The following CDH18 variants were observed in gnomAD, a reference collection of about 807,000 sequenced individuals.
CDH18 encodes the protein cadherin 18.
In CDH18, 31 loss-of-function variants were observed where a neutral mutation model predicts 67.9. The observed-to-expected ratio is 0.46, with a 90% CI of 0.34 to 0.62. CDH18 has a LOEUF of 0.62. Ranked by LOEUF, CDH18 falls within the 20% of genes least tolerant of loss-of-function variation. The probability of loss-of-function intolerance (pLI) is 0.01; values close to 1 mark genes in which losing one functional copy is unlikely to be tolerated. For synonymous variants in CDH18, 362 were observed against 347.2 expected (o/e 1.04, Z -0.48); for missense variants, 890 against 975.5 (o/e 0.91, Z 1.17).
At chr5:20,011,781 C>T (rs1737458009) in intron 2 of CDH18, among the ~76,000 whole-genome samples, 1 of 152,098 alleles carries the variant, frequency 6.6e-6, no homozygotes, top group Non-Finnish European at 1.5e-5. Flanking sequence ...CCCAATTTTG[C>T]ATACCAGGAA....
chr5:19,494,382 C>T (rs1021635999), intron 11 of CDH18, among the ~76,000 whole-genome samples: 8 of 152,214 alleles, frequency 5.3e-5, no homozygotes, highest in Non-Finnish European at 1.0e-4. Context: ...ACAGAGATCC[C>T]GTAAACATAA....
chr5:20,056,478 G>GTTTTTTTTTTTTTTTTTTT lies in CDH18; in HGVS notation c.-517-64483_-517-64465dup, dbSNP rs58415003. ...TATTTTTCTTTATTTTCTTTCTTTT[G>GTTTTTTTTTTTTTTTTTTT]TTTTTTTTTTTTTTTTTTTTTTTTT... On this transcript the variant is annotated intron_variant, in intron 2 of 14. Coordinates refer to the CDH18 transcript ENST00000507958. 1.8e-4 allele frequency among the ~76,000 whole-genome samples: 3 copies of GTTTTTTTTTTTTTTTTTTT among 16,286 alleles called. 1 individual carries two copies. The highest frequency in any genetic ancestry group is 3.8e-4 in the Non-Finnish European group (3 of 7,900). The allele number at this position is 16,286 out of a possible 152,430, so 10.7% of individuals were successfully genotyped here.
intron 8 of CDH18, among the ~76,000 whole-genome samples, chr5:19,547,174 G>A (rs2127108145): frequency 6.6e-6 from 1 of 152,276 alleles, no homozygotes; most frequent in South Asian, 2.1e-4. Context: ...CTGAGGATGA[G>A]GGTTGAACTG....
chr5:19,784,932 T>C (rs567816469), intron 3 of CDH18, among the ~76,000 whole-genome samples: 1 of 152,176 alleles, frequency 6.6e-6, no homozygotes, highest in Non-Finnish European at 1.5e-5. Context: ...TTTACACAAA[T>C]CTTAACTCAT....
chr5:20,362,772 C>A (rs1366691774), intron 1 of CDH18, among the ~76,000 whole-genome samples: 3 of 152,112 alleles, frequency 2.0e-5, no homozygotes, highest in South Asian at 2.1e-4. Flanking sequence ...TATTCTAAAT[C>A]TTTACCTTTA....
chr5:19,543,565 C>T lies in CDH18; in HGVS notation c.1390+304G>A, dbSNP rs555780029. Among the ~76,000 whole-genome samples, 5 of 152,056 alleles carry T rather than the reference C, an allele frequency of 3.3e-5. No individual in the cohort carries two copies. The South Asian group carries it at 1.0e-3, about 32-fold the overall frequency. On this transcript the variant is annotated intron_variant, in intron 9 of 12. Transcript: ENST00000382275. ...CAATGACTTGATAGTGTAAGTAAGG[C>T]AAAAGCAAATGAAAAAGCAAGTCTC...
At chr5:19,598,894 T>C (rs1746601644) in intron 6 of CDH18, among the ~76,000 whole-genome samples, 1 of 152,136 alleles carries the variant, frequency 6.6e-6, no homozygotes, top group Admixed American at 6.5e-5. Context: ...TTACTAAAAT[T>C]TGCAAATAAA....
At chr5:19,535,272 G>C (rs1749237002) in intron 9 of CDH18, among the ~76,000 whole-genome samples, 1 of 152,104 alleles carries the variant, frequency 6.6e-6, no homozygotes, top group Non-Finnish European at 1.5e-5. Flanking sequence ...TTTGATCATT[G>C]GTTAAGGCAA....
At chr5:20,521,331 A>T (rs965215757) in intron 1 of CDH18, among the ~76,000 whole-genome samples, 4 of 152,174 alleles carry the variant, frequency 2.6e-5, no homozygotes, top group Non-Finnish European at 5.9e-5. Context: ...GAGGGTGATA[A>T]AACAAAAACA....
chr5:19,628,527 G>A lies in CDH18; in HGVS notation c.644-15926C>T, dbSNP rs544404868. On this transcript the variant is annotated intron_variant, in intron 5 of 12. Coordinates refer to ENST00000382275, the MANE Select transcript of CDH18 (RefSeq NM_004934.5). ...GGTGAAGTCCTGGATATATGTTGACGGTAGGGTTTCCTGATGTCATAGTCA... is the reference window on the plus strand; with the variant it reads ...GGTGAAGTCCTGGATATATGTTGACAGTAGGGTTTCCTGATGTCATAGTCA... 3.9e-5 allele frequency among the ~76,000 whole-genome samples: 6 copies of A among 152,092 alleles called. No individual in the cohort carries two copies. The East Asian group carries it at 9.7e-4, about 25-fold the overall frequency.
At chr5:19,711,095 A>G (rs1187719497) in intron 5 of CDH18, among the ~76,000 whole-genome samples, 1 of 152,054 alleles carries the variant, frequency 6.6e-6, no homozygotes, top group African/African-American at 2.4e-5. Flanking sequence ...ATATATAAAA[A>G]TTATCTAAAG....
At chr5:20,434,557 T>TA (rs1749021449) in intron 1 of CDH18, among the ~76,000 whole-genome samples, 1 of 151,944 alleles carries the variant, frequency 6.6e-6, no homozygotes, top group Non-Finnish European at 1.5e-5. Context: ...ACCTGAAACA[T>TA]AGAAGATTTA....
At chr5:20,179,799 A>G (rs1348294126) in intron 2 of CDH18, among the ~76,000 whole-genome samples, 1 of 152,084 alleles carries the variant, frequency 6.6e-6, no homozygotes, top group African/African-American at 2.4e-5. Flanking sequence ...AGCTCTCAAT[A>G]ATTGGCTAAA....
intron 2 of CDH18, among the ~76,000 whole-genome samples, chr5:20,146,627 A>T (rs11951205): frequency 0.044 from 6,701 of 151,728 alleles, 467 homozygotes; most frequent in African/African-American, 0.15. Flanking sequence ...TAAAAAAAAA[A>T]AAAATAAAAT....
chr5:20,397,269 T>G lies in CDH18; in HGVS notation c.-579-141764A>C, dbSNP rs545632315. ...CCTCAGCCTCCCGAGTAGCTGGGAT[T>G]ACAGGTGCGCACCACCACGCCCGGC... On this transcript the variant is annotated intron_variant, in intron 1 of 14. Transcript: ENST00000507958. Among the ~76,000 whole-genome samples the G allele has an allele frequency of 5.1e-4, 77 of 152,142 alleles. No individual in the cohort carries two copies. In the South Asian group the frequency reaches 0.016, roughly 31 times the overall value.
intron 11 of CDH18, among the ~76,000 whole-genome samples, chr5:19,486,563 G>A (rs201782244): frequency 4.6e-5 from 7 of 152,144 alleles, no homozygotes; most frequent in South Asian, 2.1e-4. Context: ...AGGCCAAGGC[G>A]GGTGGATCAA....
intron 2 of CDH18, among the ~76,000 whole-genome samples, chr5:19,860,024 T>TGTGTG (rs1784723718): frequency 3.0e-5 from 1 of 33,658 alleles, no homozygotes; most frequent in Non-Finnish European, 8.0e-5. Flanking sequence ...GTGTGTGTGT[T>TGTGTG]TAAGAGTATT....
intron 1 of CDH18, among the ~76,000 whole-genome samples, chr5:20,352,447 A>G (rs947886132): frequency 3.3e-5 from 5 of 151,998 alleles, no homozygotes; most frequent in Admixed American, 6.6e-5. Flanking sequence ...AAGGTCTACT[A>G]TGATTATCTC....
chr5:20,192,048 G>A (rs181323099), intron 2 of CDH18, among the ~76,000 whole-genome samples: 61 of 151,756 alleles, frequency 4.0e-4, no homozygotes, highest in East Asian at 7.8e-4. Context: ...AATAATTGCC[G>A]TTCTGATTGG....
Sources: allele counts gnomAD v4.1 joint callset (sites outside exome capture counted in the v4.1 genomes callset), GRCh38; gene constraint gnomAD v4.1.1; transcripts MANE v1.5; gene names NCBI Gene and HGNC (gene_info 2026-07-23, HGNC 2026-07-21).